Variants in ATXN10 observed in about 807,000 individuals in gnomAD.
ATXN10 encodes the protein ataxin 10, also known as ataxin-10.
In ATXN10, 28 loss-of-function variants were observed where a neutral mutation model predicts 52.9. The ratio of observed to expected loss-of-function variants is 0.53; its 90% CI spans 0.39 to 0.73. The LOEUF is 0.73. Among genes scored for constraint, ATXN10 ranks in the 30% least tolerant of loss-of-function variants. The pLI is 0.00. For missense variants in ATXN10, 565 were observed against 577.0 expected, an observed-to-expected ratio of 0.98 and a Z score of 0.21; for synonymous variants, 226 against 221.5, an observed-to-expected ratio of 1.02 and a Z score of -0.18.
chr22:45,739,304 A>G (rs181288436), intron 8 of ATXN10, among the ~76,000 whole-genome samples: 1 of 152,360 alleles, frequency 6.6e-6, no homozygotes, highest in Admixed American at 6.5e-5. Flanking sequence ...ACAAGAAACC[A>G]TTGTTAAAAG....
Position 45,712,111 on chromosome 22 carries a change from T to TA in ATXN10, c.648-6302_648-6301insA, listed in dbSNP as rs1300356808. ...TGTTTTTGAGGCATGCAAGTGGCTC[T>TA]TTTTGGGTCACATTGTCATCCCTGG... is the stretch of plus-strand genomic sequence containing the variant. On this transcript the variant is annotated intron_variant, in intron 5 of 11. Coordinates refer to ENST00000252934, the MANE Select transcript of ATXN10 (RefSeq NM_013236.4). The surrounding 1 kb of genome is among the most constrained non-coding windows in gnomAD (Gnocchi z 4.6). Among the ~76,000 whole-genome samples the TA allele has an allele frequency of 6.6e-6, 1 of 152,210 alleles. No individual in the cohort carries two copies. The highest frequency in any genetic ancestry group is 1.5e-5 in the Non-Finnish European group (1 of 68,038).
intron 3 of ATXN10, among the ~76,000 whole-genome samples, chr22:45,694,951 A>AAC (rs1196343629): frequency 6.7e-6 from 1 of 149,808 alleles, no homozygotes; most frequent in African/African-American, 2.5e-5. Flanking sequence ...AAAAAAAAAA[A>AAC]AAAAAAAAAA....
intron 5 of ATXN10, among the ~76,000 whole-genome samples, chr22:45,709,837 A>G (rs1411337838): frequency 6.6e-6 from 1 of 152,036 alleles, no homozygotes; most frequent in African/African-American, 2.4e-5. Context: ...CTGTTACTCT[A>G]CCAATGTTTA....
intron 1 of ATXN10, among the ~76,000 whole-genome samples, chr22:45,682,348 G>A (rs1007137170): frequency 2.6e-5 from 4 of 151,242 alleles, no homozygotes; most frequent in Non-Finnish European, 4.4e-5. Context: ...ACAGGGTCTC[G>A]CTCTGTCACC....
At chr22:45,806,863 C>A in intron 9 of ATXN10, 96 bp from the exon 10 acceptor site, 2 of 936,406 alleles carry the variant, frequency 2.1e-6, no homozygotes, top group Non-Finnish European at 3.5e-6. Flanking sequence ...AATATTATAA[C>A]ATTGAGTAAG....
intron 3 of ATXN10, among the ~76,000 whole-genome samples, chr22:45,697,709 A>C (rs1923670607): frequency 6.6e-6 from 1 of 152,258 alleles, no homozygotes; most frequent in Middle Eastern, 3.4e-3. Context: ...GGCTCACTGC[A>C]GGCTCCGCCC....
At chr22:45,700,244 CATTTATTT>C (rs773641734) in intron 3 of ATXN10, 30 bp from the exon 4 acceptor site, 3 of 1,286,204 alleles carry the variant, frequency 2.3e-6, no homozygotes, top group Non-Finnish European at 1.1e-6. Context: ...TGTGTTTAAT[CATTTATTT>C]ATTTATTTAT....
In ATXN10 at chr22:45,825,952, C is replaced by T. The variant is rs1928801585; in HGVS notation, c.1238-17039C>T. On this transcript the variant is annotated intron_variant, in intron 10 of 11. Transcript: ENST00000252934. This position sits in a 1 kb window ranked among gnomAD's most constrained non-coding sequence, Gnocchi z 4.5. ...TGGTGTGCACCTGTAGTCCCAGCTA[C>T]TTGGGAGGCTGAGGTGGGAGGATGT... Among the ~76,000 whole-genome samples the T allele has an allele frequency of 6.6e-6, 1 of 152,060 alleles. No homozygotes were observed. The highest frequency in any genetic ancestry group is 2.1e-4 in the South Asian group (1 of 4,824).
intron 9 of ATXN10, among the ~76,000 whole-genome samples, chr22:45,749,487 AT>A (rs1434567012): frequency 2.6e-5 from 4 of 152,182 alleles, no homozygotes; most frequent in African/African-American, 7.2e-5. Context: ...TTTTTCCACA[AT>A]TCTTACTGAA....
In ATXN10 at chr22:45,789,688, G is replaced by T. The variant is rs1927442312; in HGVS notation, c.1174-17271G>T. Among the ~76,000 whole-genome samples the T allele has an allele frequency of 6.6e-6, 1 of 152,202 alleles. No homozygotes were observed. Among genetic ancestry groups the T allele is most frequent in the African/African-American group, 2.4e-5 (1 of 41,450 alleles). On this transcript the variant is annotated intron_variant, in intron 9 of 11. Transcript: ENST00000252934. The surrounding 1 kb of genome is among the most constrained non-coding windows in gnomAD (Gnocchi z 4.0). ...GCCCCTTTGTGGTGGTGGTGGTGGT[G>T]CACTGATGTGTTGGGCTTTAGCTTT...
In ATXN10 at chr22:45,700,299, C is replaced by T. The variant is rs752166502; in HGVS notation, c.409C>T (p.Gln137Ter). Residue 137 changes from glutamine to a stop codon, truncating the protein, a stop_gained, in exon 4 of 12, where the codon CAG becomes TAG. Coordinates refer to ENST00000252934, the MANE Select transcript of ATXN10 (RefSeq NM_013236.4). LOFTEE classifies it high-confidence loss of function. ...ATTCTTAGCTTTTCGCTGTGGCCTG[C>T]AGTTTTTAGGCAACATTGCCTCACG... Reference protein sequence around the residue: ...SLLTAFRCGLQFLGNIASRNE... With the variant: ...SLLTAFRCGL The T allele has an allele frequency of 6.2e-7, 1 of 1,612,840 alleles. No individual in the cohort carries two copies. Among genetic ancestry groups the T allele is most frequent in the African/African-American group, 1.3e-5 (1 of 74,880 alleles).
intron 9 of ATXN10, chr22:45,792,799 C>G (rs905172506): frequency 1.9e-6 from 1 of 519,104 alleles, no homozygotes; most frequent in East Asian, 5.2e-5. Flanking sequence ...TTTGTGACAT[C>G]ATTCTGTACT....
At chr22:45,741,727 G>A (rs1925544295) in intron 9 of ATXN10, among the ~76,000 whole-genome samples, 1 of 152,112 alleles carries the variant, frequency 6.6e-6, no homozygotes, top group African/African-American at 2.4e-5. Flanking sequence ...GCTTCAGTTA[G>A]TAGCCCAGTC....
At chr22:45,827,442 A>C (rs935574942) in intron 10 of ATXN10, among the ~76,000 whole-genome samples, 3 of 152,196 alleles carry the variant, frequency 2.0e-5, no homozygotes, top group Non-Finnish European at 4.4e-5. Context: ...AGACACAAAT[A>C]GGTTGAAAAT....
chr22:45,697,254 C>T (rs1923647189), intron 3 of ATXN10, among the ~76,000 whole-genome samples: 1 of 151,964 alleles, frequency 6.6e-6, no homozygotes, highest in African/African-American at 2.4e-5. Context: ...CCTGCCTCAG[C>T]CTCTTGAGTA....
chr22:45,713,218 A>G (rs938259757), intron 5 of ATXN10, among the ~76,000 whole-genome samples: 1 of 152,110 alleles, frequency 6.6e-6, no homozygotes, highest in African/African-American at 2.4e-5. Flanking sequence ...TCTATTTTGT[A>G]TATCAGTATT....
chr22:45,836,962 C>T (rs1417732531), intron 10 of ATXN10, among the ~76,000 whole-genome samples: 3 of 152,166 alleles, frequency 2.0e-5, no homozygotes, highest in Non-Finnish European at 4.4e-5. Context: ...GTGCAGGCCC[C>T]CTCTGGGAGA....
In ATXN10 at chr22:45,732,187, C is replaced by A. The variant is rs1437213418; in HGVS notation, c.894+2597C>A. ...AAGTTGTAGACTGGGAACAGTGGCT[C>A]ATGCCCGTAATCCCAATACTTTGGG... On this transcript the variant is annotated intron_variant, in intron 7 of 11. Transcript: ENST00000252934. This position sits in a 1 kb window ranked among gnomAD's most constrained non-coding sequence, Gnocchi z 4.5. 1.3e-5 allele frequency among the ~76,000 whole-genome samples: 2 copies of A among 152,116 alleles called. No individual in the cohort carries two copies. Among genetic ancestry groups the A allele is most frequent in the African/African-American group, 4.8e-5 (2 of 41,410 alleles).
chr22:45,718,267 C>T lies in ATXN10; in HGVS notation c.648-146C>T, dbSNP rs2071851. 0.17 allele frequency: 126,189 copies of T among 732,102 alleles called. 12,074 individuals carry two copies. The highest frequency in any genetic ancestry group is 0.27 in the East Asian group (10,793 of 39,756). 45.4% of individuals were successfully genotyped at this position (732,102 alleles called of 1,614,324 possible). A position where few individuals can be genotyped will look rare whatever the true frequency, so the allele number is the denominator to read the frequency against. On this transcript the variant is annotated intron_variant, in intron 5 of 11. Coordinates refer to ENST00000252934, the MANE Select transcript of ATXN10 (RefSeq NM_013236.4). The surrounding 1 kb of genome is among the most constrained non-coding windows in gnomAD (Gnocchi z 4.4). ...GCTGATAGATTAATAGTATGTGAAC[C>T]TTTTAAGACATTTAAGATTACAGCA... is the stretch of plus-strand genomic sequence containing the variant.
Sources: gnomAD v4.1 joint callset for allele counts (sites outside exome capture counted in the v4.1 genomes callset) on GRCh38, gnomAD v4.1.1 for gene constraint, Gnocchi (gnomAD v3.1) non-coding constraint, MANE v1.5 for transcripts, NCBI Gene and HGNC (gene_info 2026-07-23, HGNC 2026-07-21) for gene names.